TCF12: variants seen among roughly 807,000 people sequenced by gnomAD.
TCF12 encodes the protein transcription factor 12.
A neutral mutation model predicts 86.0 loss-of-function variants in TCF12; 45 were observed. That is an observed-to-expected ratio of 0.52 (90% CI 0.41 to 0.67). The LOEUF is 0.67. Ranked by LOEUF, TCF12 falls within the 30% of genes least tolerant of loss-of-function variation. The probability of loss-of-function intolerance (pLI) is 0.00; values close to 1 mark genes in which losing one functional copy is unlikely to be tolerated. For missense variants in TCF12, 881 were observed against 859.9 expected (o/e 1.02, Z -0.31); for synonymous variants, 330 against 299.6 (o/e 1.10, Z -1.05).
intron 5 of TCF12, among the ~76,000 whole-genome samples, chr15:57,106,476 A>G (rs1264470727): frequency 1.3e-5 from 2 of 152,248 alleles, no homozygotes; most frequent in African/African-American, 4.8e-5. Context: ...CTGAAAGAAT[A>G]TACAAGAAAT....
intron 19 of TCF12, among the ~76,000 whole-genome samples, chr15:57,278,885 ATTCT>A (rs2061547026): frequency 1.1e-5 from 1 of 93,156 alleles, no homozygotes; most frequent in Non-Finnish European, 2.3e-5. Flanking sequence ...TTTTTGTCTT[ATTCT>A]TTATTTCTGT....
intron 5 of TCF12, among the ~76,000 whole-genome samples, chr15:57,097,015 A>G (rs1381700889): frequency 2.0e-5 from 3 of 152,072 alleles, no homozygotes; most frequent in African/African-American, 7.2e-5. Flanking sequence ...TTTCCATTTC[A>G]TTGTAGATTG....
At chr15:57,010,543 A>G (rs1482673518) in intron 3 of TCF12, among the ~76,000 whole-genome samples, 1 of 152,226 alleles carries the variant, frequency 6.6e-6, no homozygotes, top group Non-Finnish European at 1.5e-5. Flanking sequence ...TTTCACTGGA[A>G]GAGGATTTTT....
intron 7 of TCF12, 35 bp downstream of exon 7, chr15:57,192,328 AT>A (rs1567599771): frequency 2.5e-6 from 4 of 1,593,468 alleles, no homozygotes; most frequent in Non-Finnish European, 3.4e-6. Flanking sequence ...CATCCCACAT[AT>A]GTTGTTGTTG....
chr15:57,203,529 T>C (rs888988312), intron 8 of TCF12, among the ~76,000 whole-genome samples: 1 of 151,872 alleles, frequency 6.6e-6, no homozygotes, highest in African/African-American at 2.4e-5. Context: ...ATTCTTGTTC[T>C]ATGGCAATTG....
At chr15:57,106,462 A>G (rs1286575785) in intron 5 of TCF12, among the ~76,000 whole-genome samples, 3 of 152,246 alleles carry the variant, frequency 2.0e-5, no homozygotes, top group African/African-American at 4.8e-5. Flanking sequence ...TGGCTAGAGT[A>G]TCTCTGAAAG....
At chr15:56,947,546 A>T (rs1478058730) in intron 3 of TCF12, among the ~76,000 whole-genome samples, 2 of 152,184 alleles carry the variant, frequency 1.3e-5, no homozygotes, top group Non-Finnish European at 2.9e-5. Context: ...GGATGATGGT[A>T]GAGTTCACCT....
chr15:57,219,857 C>G (rs1215312893), intron 8 of TCF12, among the ~76,000 whole-genome samples: 2 of 151,744 alleles, frequency 1.3e-5, no homozygotes, highest in Non-Finnish European at 2.9e-5. Context: ...TCCCGAGTAG[C>G]TGGGATTACA....
chr15:57,024,654 T>C (rs144289547), intron 3 of TCF12, among the ~76,000 whole-genome samples: 1 of 152,330 alleles, frequency 6.6e-6, no homozygotes, highest in African/African-American at 2.4e-5. Context: ...CAAAGGAGCT[T>C]GCCGGTACTG....
At chr15:57,197,848 C>G (rs1405180180) in intron 8 of TCF12, 23 bp downstream of exon 8, 1 of 1,611,922 alleles carries the variant, frequency 6.2e-7, no homozygotes, top group Admixed American at 1.7e-5. Flanking sequence ...CTTTTTTTAA[C>G]TTGATGGTAA....
At chr15:57,061,832 G>T (rs534759668) in intron 3 of TCF12, among the ~76,000 whole-genome samples, 1 of 152,182 alleles carries the variant, frequency 6.6e-6, no homozygotes, top group East Asian at 1.9e-4. Context: ...TAGGTTAATG[G>T]TCATCTTTTT....
intron 7 of TCF12, 127 bp from the exon 8 acceptor site, chr15:57,197,646 T>TTTG (rs2057337493): frequency 2.1e-6 from 2 of 972,614 alleles, no homozygotes; most frequent in African/African-American, 1.6e-5. Flanking sequence ...ATTACTGTAT[T>TTTG]TTGCTGCTTA....
At chr15:57,065,471 A>T (rs746433103) in intron 4 of TCF12, among the ~76,000 whole-genome samples, 8 of 152,186 alleles carry the variant, frequency 5.3e-5, no homozygotes, top group Non-Finnish European at 8.8e-5. Context: ...TAGGAGTTTT[A>T]TGTAGTGGGA....
intron 3 of TCF12, among the ~76,000 whole-genome samples, chr15:56,937,810 T>C (rs1202105060): frequency 2.6e-5 from 4 of 152,184 alleles, no homozygotes; most frequent in Non-Finnish European, 5.9e-5. Flanking sequence ...ATCAAGATGA[T>C]AGATGACTTT....
intron 19 of TCF12, among the ~76,000 whole-genome samples, chr15:57,280,844 T>C (rs1344886717): frequency 1.3e-5 from 2 of 152,212 alleles, no homozygotes; most frequent in Admixed American, 6.5e-5. Context: ...TCTAGACTAA[T>C]TACAAATGAT....
chr15:57,021,577 A>G (rs1416168199), intron 3 of TCF12, among the ~76,000 whole-genome samples: 2 of 152,224 alleles, frequency 1.3e-5, no homozygotes, highest in African/African-American at 4.8e-5. Flanking sequence ...ACAGGCTTAT[A>G]TAGGGCAGCA....
chr15:57,269,009 G>T (rs778186809), intron 18 of TCF12, among the ~76,000 whole-genome samples: 4 of 152,118 alleles, frequency 2.6e-5, no homozygotes, highest in Non-Finnish European at 5.9e-5. Flanking sequence ...TGTTGATTTG[G>T]GGTGGAGAGT....
chr15:57,251,216 A>G, intron 13 of TCF12, 134 bp from the exon 14 acceptor site: 1 of 658,098 alleles, frequency 1.5e-6, no homozygotes, highest in Admixed American at 2.8e-5. Context: ...TAAGTAGCCA[A>G]TACTATGCTG....
At chr15:57,172,996 G>T (rs941883776) in intron 6 of TCF12, among the ~76,000 whole-genome samples, 1 of 151,988 alleles carries the variant, frequency 6.6e-6, no homozygotes, top group Admixed American at 6.6e-5. Context: ...GGCTGAGGCG[G>T]GAGGATTGCT....
Sources: gnomAD v4.1 joint callset for allele counts (sites outside exome capture counted in the v4.1 genomes callset) on GRCh38, gnomAD v4.1.1 for gene constraint, MANE v1.5 for transcripts, NCBI Gene and HGNC (gene_info 2026-07-23, HGNC 2026-07-21) for gene names.